The following AGBL1 variants were observed in gnomAD, a reference collection of about 807,000 sequenced individuals.
AGBL1 encodes the protein cytosolic carboxypeptidase 4.
In AGBL1, 130 loss-of-function variants were observed where a neutral mutation model predicts 118.9. That is an observed-to-expected ratio of 1.09 (90% CI 0.95 to 1.26). The LOEUF (loss-of-function observed/expected upper bound fraction) is 1.26. Among genes scored for constraint, AGBL1 ranks in the 50% most tolerant of loss-of-function variants. The probability of loss-of-function intolerance (pLI) is 0.00; values close to 1 mark genes in which losing one functional copy is unlikely to be tolerated. For missense variants in AGBL1, 1,584 were observed against 1,298.1 expected (o/e 1.22, Z -3.38); for synonymous variants, 555 against 478.9 (o/e 1.16, Z -2.08).
chr15:86,469,726 C>G (rs1411581861), intron 18 of AGBL1, among the ~76,000 whole-genome samples: 1 of 152,260 alleles, frequency 6.6e-6, no homozygotes, highest in South Asian at 2.1e-4. Context: ...TCCTTACACA[C>G]TCTCCAATAC....
chr15:86,248,506 T>G (rs1375112946), intron 7 of AGBL1, among the ~76,000 whole-genome samples: 1 of 152,142 alleles, frequency 6.6e-6, no homozygotes, highest in Non-Finnish European at 1.5e-5. Flanking sequence ...TTTGAAGAAG[T>G]CACTCAACTT....
intron 17 of AGBL1, among the ~76,000 whole-genome samples, chr15:86,318,091 ATGTC>A (rs994679132): frequency 1.1e-4 from 17 of 152,214 alleles, no homozygotes; most frequent in Non-Finnish European, 1.8e-4. Context: ...CAGTGCATGA[ATGTC>A]TGTCATCAAA....
intron 17 of AGBL1, among the ~76,000 whole-genome samples, chr15:86,352,141 TC>T (rs2080637675): frequency 6.6e-6 from 1 of 152,210 alleles, no homozygotes; most frequent in East Asian, 1.9e-4. Context: ...AGTTCCTGGT[TC>T]TTAACAGCCA....
intron 1 of AGBL1, among the ~76,000 whole-genome samples, chr15:86,123,540 C>T (rs547337898): frequency 3.3e-5 from 5 of 152,184 alleles, no homozygotes; most frequent in African/African-American, 7.2e-5. Context: ...ACGCCCACCC[C>T]GGGACCCCTT....
rs980215194 is a variant in AGBL1 at position 86,533,277 on chromosome 15, C to G, written c.2685+10338C>G. ...AACAAATTTACAAGAAAAAAACAAACAACCCAGTCAAAAAGTGGGCGAAGG... is the reference window on the plus strand; with the variant it reads ...AACAAATTTACAAGAAAAAAACAAAGAACCCAGTCAAAAAGTGGGCGAAGG... On this transcript the variant is annotated intron_variant, in intron 19 of 22. Coordinates refer to ENST00000614907, the MANE Select transcript of AGBL1 (RefSeq NM_001386094.1). Among the ~76,000 whole-genome samples the G allele has an allele frequency of 2.8e-4, 31 of 109,414 alleles. 1 individual carries two copies. The South Asian group carries it at 3.3e-3, about 12-fold the overall frequency. The allele number at this position is 109,414 out of a possible 152,430, so 71.8% of individuals were successfully genotyped here. A position where few individuals can be genotyped will look rare whatever the true frequency, so the allele number is the denominator to read the frequency against.
At chr15:86,638,468 G>T (rs935940270) in intron 21 of AGBL1, among the ~76,000 whole-genome samples, 2 of 152,072 alleles carry the variant, frequency 1.3e-5, no homozygotes, top group East Asian at 1.9e-4. Context: ...CTATCTTGTG[G>T]GGAAGCAGGT....
chr15:86,223,784 T>C (rs1124557), intron 5 of AGBL1, among the ~76,000 whole-genome samples: 38,469 of 152,138 alleles, frequency 0.25, 5,392 homozygotes, highest in African/African-American at 0.37. Flanking sequence ...CTTTCACATG[T>C]ACTGCTTTTC....
chr15:86,102,945 A>G (rs1896822137), intron 1 of AGBL1, among the ~76,000 whole-genome samples: 1 of 152,118 alleles, frequency 6.6e-6, no homozygotes, highest in South Asian at 2.1e-4. Context: ...TGGGACACTG[A>G]ATATTTAAAT....
chr15:86,349,098 C>G (rs2080585332), intron 17 of AGBL1, among the ~76,000 whole-genome samples: 1 of 152,076 alleles, frequency 6.6e-6, no homozygotes, highest in Non-Finnish European at 1.5e-5. Flanking sequence ...CCAAAGCATG[C>G]CAAAGGTTGC....
rs895130558 is a variant in AGBL1 at position 86,134,761 on chromosome 15, G to A, written c.52-7243G>A. ...CCCGAGTAGCTAGGATTACAGGCAC[G>A]TGCCACTACGCCCAGTTAATTTTTT... is the stretch of plus-strand genomic sequence containing the variant. On this transcript the variant is annotated intron_variant, in intron 1 of 22. Transcript: ENST00000614907. Among the ~76,000 whole-genome samples the A allele has an allele frequency of 4.6e-5, 7 of 151,532 alleles. No individual in the cohort carries two copies. In the South Asian group the frequency reaches 6.3e-4, roughly 14 times the overall value.
chr15:86,508,825 G>A (rs1349919854), intron 18 of AGBL1, among the ~76,000 whole-genome samples: 6 of 152,126 alleles, frequency 3.9e-5, no homozygotes, highest in Non-Finnish European at 7.4e-5. Flanking sequence ...ATTCAGAACA[G>A]TATTGATGGT....
intron 24 of AGBL1, among the ~76,000 whole-genome samples, chr15:87,009,139 C>A (rs753339650): frequency 1.3e-4 from 20 of 152,046 alleles, no homozygotes; most frequent in Admixed American, 6.6e-5. Context: ...CTGCAGCAGC[C>A]CCTCCCATCA....
intron 1 of AGBL1, among the ~76,000 whole-genome samples, chr15:86,112,366 C>A (rs1400254851): frequency 6.6e-6 from 1 of 152,110 alleles, no homozygotes; most frequent in Non-Finnish European, 1.5e-5. Context: ...AAACAAAAAA[C>A]GACATGCTAC....
chr15:86,348,645 G>A (rs2080577384), intron 17 of AGBL1, among the ~76,000 whole-genome samples: 1 of 152,100 alleles, frequency 6.6e-6, no homozygotes, highest in Non-Finnish European at 1.5e-5. Flanking sequence ...GGGTATGATG[G>A]TGCACACCAG....
intron 1 of AGBL1, among the ~76,000 whole-genome samples, chr15:86,125,283 T>C (rs1898349184): frequency 6.6e-6 from 1 of 152,208 alleles, no homozygotes; most frequent in South Asian, 2.1e-4. Flanking sequence ...CTCCACTTCC[T>C]CACTGTCCAT....
At chr15:86,222,085 C>G (rs2078289257) in intron 5 of AGBL1, among the ~76,000 whole-genome samples, 1 of 152,108 alleles carries the variant, frequency 6.6e-6, no homozygotes, top group Non-Finnish European at 1.5e-5. Context: ...GGTTTCCTAT[C>G]CTCTAGTGTT....
chr15:86,087,232 C>T (rs994404844), intron 1 of AGBL1, among the ~76,000 whole-genome samples: 1 of 151,706 alleles, frequency 6.6e-6, no homozygotes, highest in Admixed American at 6.6e-5. Flanking sequence ...CTTCTTGGTC[C>T]TTTTCATAAT....
At chr15:86,931,042 C>T (rs971983617) in intron 23 of AGBL1, among the ~76,000 whole-genome samples, 2 of 152,142 alleles carry the variant, frequency 1.3e-5, no homozygotes, top group Non-Finnish European at 2.9e-5. Context: ...ACTCTGACTG[C>T]CTGCCGTCTT....
At chr15:86,147,166 C>A (rs866205033) in intron 3 of AGBL1, among the ~76,000 whole-genome samples, 2 of 152,160 alleles carry the variant, frequency 1.3e-5, no homozygotes, top group Non-Finnish European at 2.9e-5. Flanking sequence ...CCAATAGGAA[C>A]AGCTCCGGTC....
Sources: gnomAD v4.1 joint callset for allele counts (sites outside exome capture counted in the v4.1 genomes callset) on GRCh38, gnomAD v4.1.1 for gene constraint, MANE v1.5 for transcripts, NCBI Gene and HGNC (gene_info 2026-07-23, HGNC 2026-07-21) for gene names.